Variants in RNF216 observed in about 807,000 individuals in gnomAD.
The protein encoded by RNF216 is ring finger protein 216.
A neutral mutation model predicts 110.8 loss-of-function variants in RNF216; 72 were observed. That is an observed-to-expected ratio of 0.65 (90% CI 0.54 to 0.79). The LOEUF (loss-of-function observed/expected upper bound fraction) is 0.79. RNF216 is among the 30% of genes least tolerant of loss of function. The probability of loss-of-function intolerance (pLI) is 0.00; values close to 1 mark genes in which losing one functional copy is unlikely to be tolerated. For missense variants in RNF216, 1,342 were observed against 1,141.2 expected, an observed-to-expected ratio of 1.18 and a Z score of -2.54; for synonymous variants, 495 against 407.5, an observed-to-expected ratio of 1.21 and a Z score of -2.59.
intron 13 of RNF216, among the ~76,000 whole-genome samples, chr7:5,693,330 T>C (rs749704401): frequency 2.6e-5 from 4 of 152,214 alleles, no homozygotes; most frequent in Admixed American, 6.5e-5. Flanking sequence ...AAAAGTCTGC[T>C]GACCCCTGGT....
At chr7:5,684,142 A>G in intron 13 of RNF216, among the ~76,000 whole-genome samples, 1 of 114,622 alleles carries the variant, frequency 8.7e-6, no homozygotes, top group Middle Eastern at 8.9e-3. Context: ...TCGCTCTGTC[A>G]CCCAGGCTGG....
At chr7:5,695,103 A>G (rs1358606546) in intron 13 of RNF216, among the ~76,000 whole-genome samples, 1 of 152,242 alleles carries the variant, frequency 6.6e-6, no homozygotes, top group East Asian at 1.9e-4. Context: ...TATATAGCCA[A>G]GAAGTTCAAT....
At chr7:5,763,594 CCA>C (rs1427421499) in intron 1 of RNF216, among the ~76,000 whole-genome samples, 2 of 151,958 alleles carry the variant, frequency 1.3e-5, no homozygotes, top group African/African-American at 4.8e-5. Context: ...TCTTTTTGAG[CCA>C]GTCTCTCTCT....
At chr7:5,771,320 A>T (rs78016235) in intron 1 of RNF216, among the ~76,000 whole-genome samples, 5,775 of 152,232 alleles carry the variant, frequency 0.038, 167 homozygotes, top group East Asian at 0.065. Flanking sequence ...GATAACACAA[A>T]ATCTCCACAA....
intron 9 of RNF216, 126 bp from the exon 10 acceptor site, chr7:5,716,892 C>A: frequency 1.6e-6 from 1 of 637,676 alleles, no homozygotes; most frequent in South Asian, 2.6e-5. Context: ...TTTAGCAGTT[C>A]AAAAAGGTTA....
chr7:5,660,739 G>A (rs1476342185), intron 13 of RNF216, among the ~76,000 whole-genome samples: 1 of 151,690 alleles, frequency 6.6e-6, no homozygotes, highest in Non-Finnish European at 1.5e-5. Flanking sequence ...CACCATGCCT[G>A]GCTAATTTTT....
chr7:5,666,028 T>TGGTGGCGGGCGC (rs1322324266), intron 13 of RNF216, among the ~76,000 whole-genome samples: 1 of 151,764 alleles, frequency 6.6e-6, no homozygotes, highest in African/African-American at 2.4e-5. Flanking sequence ...TAGCCGGGCG[T>TGGTGGCGGGCGC]GGTGGCGGGC....
chr7:5,642,840 C>T (rs1265454258), intron 14 of RNF216, among the ~76,000 whole-genome samples: 1 of 152,196 alleles, frequency 6.6e-6, no homozygotes, highest in Non-Finnish European at 1.5e-5. Flanking sequence ...AACACAACTG[C>T]AATTTTCTAC....
intron 1 of RNF216, among the ~76,000 whole-genome samples, chr7:5,778,400 G>A (rs1341560597): frequency 6.6e-6 from 1 of 152,080 alleles, no homozygotes; most frequent in Admixed American, 6.6e-5. Flanking sequence ...GTTCCTCCCT[G>A]GTTCAATCAC....
At chr7:5,697,741 G>A (rs972372143) in intron 13 of RNF216, among the ~76,000 whole-genome samples, 2 of 152,114 alleles carry the variant, frequency 1.3e-5, no homozygotes, top group Non-Finnish European at 2.9e-5. Context: ...AAGGGTGCTC[G>A]CCTGGAGAAG....
At chr7:5,635,915 T>C (rs1787370309) in intron 15 of RNF216, among the ~76,000 whole-genome samples, 1 of 152,238 alleles carries the variant, frequency 6.6e-6, no homozygotes, top group Admixed American at 6.5e-5. Context: ...AGGGTTTTAT[T>C]TGAACTGGAC....
At chr7:5,628,673 C>T (rs2128557755) in intron 15 of RNF216, among the ~76,000 whole-genome samples, 1 of 148,932 alleles carries the variant, frequency 6.7e-6, no homozygotes, top group East Asian at 2.2e-4. Flanking sequence ...AGGCGCCCAC[C>T]ACCATATCTG....
intron 13 of RNF216, among the ~76,000 whole-genome samples, chr7:5,658,316 CAA>C (rs1788876663): frequency 6.6e-6 from 1 of 152,170 alleles, no homozygotes; most frequent in African/African-American, 2.4e-5. Flanking sequence ...AAACATAGTT[CAA>C]AAGATTCCTA....
At chr7:5,715,284 C>A (rs1792975921) in intron 10 of RNF216, 94 bp from the exon 11 acceptor site, 2 of 1,330,540 alleles carry the variant, frequency 1.5e-6, no homozygotes, top group African/African-American at 1.4e-5. Flanking sequence ...ACCCCCCACA[C>A]AAATTCTGAG....
At chr7:5,694,947 T>G (rs1226871066) in intron 13 of RNF216, among the ~76,000 whole-genome samples, 3 of 152,262 alleles carry the variant, frequency 2.0e-5, no homozygotes, top group Non-Finnish European at 4.4e-5. Flanking sequence ...AGACCCTGGT[T>G]AACTGACATA....
chr7:5,712,471 T>C (rs906936765), intron 12 of RNF216, among the ~76,000 whole-genome samples: 1 of 142,238 alleles, frequency 7.0e-6, no homozygotes, highest in African/African-American at 2.6e-5. Context: ...AGAATCCACC[T>C]CAAAAAAAAA....
chr7:5,708,441 A>C (rs1042011520), intron 13 of RNF216, among the ~76,000 whole-genome samples: 3 of 152,180 alleles, frequency 2.0e-5, no homozygotes, highest in African/African-American at 7.2e-5. Flanking sequence ...CCAACTTACA[A>C]TGGTTTTACA....
At chr7:5,775,443 C>T (rs1796720357) in intron 1 of RNF216, among the ~76,000 whole-genome samples, 1 of 152,228 alleles carries the variant, frequency 6.6e-6, no homozygotes, top group East Asian at 1.9e-4. Context: ...ACTGTATGAT[C>T]CTAGGGCTCT....
At chr7:5,713,171 G>T in intron 11 of RNF216, 1 of 216,102 alleles carries the variant, frequency 4.6e-6, no homozygotes. Context: ...GAGATGCTGG[G>T]GAGAAGTTGT....
Sources: gnomAD v4.1 joint callset for allele counts (sites outside exome capture counted in the v4.1 genomes callset) on GRCh38, gnomAD v4.1.1 for gene constraint, MANE v1.5 for transcripts, NCBI Gene and HGNC (gene_info 2026-07-23, HGNC 2026-07-21) for gene names.